The following GFI1B variants were observed in gnomAD, a reference collection of about 807,000 sequenced individuals.
GFI1B encodes the protein zinc finger protein Gfi-1b.
A neutral mutation model predicts 35.3 loss-of-function variants in GFI1B; 20 were observed. That is an observed-to-expected ratio of 0.57 (90% CI 0.40 to 0.82). The LOEUF is 0.82. GFI1B is among the 40% of genes least tolerant of loss of function. The pLI is 0.00. For missense variants in GFI1B, 430 were observed against 446.3 expected, an observed-to-expected ratio of 0.96 and a Z score of 0.33; for synonymous variants, 178 against 177.6, an observed-to-expected ratio of 1.00 and a Z score of -0.02.
downstream of GFI1B, among the ~76,000 whole-genome samples, chr9:132,992,610 T>G (rs934120405): frequency 6.6e-6 from 1 of 152,182 alleles, no homozygotes; most frequent in Non-Finnish European, 1.5e-5. Flanking sequence ...ACATTCCTTT[T>G]TGAAGTCCTG....
chr9:132,948,590 C>T (rs10793948), intron 1 of GFI1B, among the ~76,000 whole-genome samples: 3 of 152,236 alleles, frequency 2.0e-5, no homozygotes, highest in African/African-American at 7.2e-5. Flanking sequence ...GCTTTCAGCT[C>T]TCTGTGCAGC....
chr9:132,955,991 T>C (rs1295497231), intron 1 of GFI1B, among the ~76,000 whole-genome samples: 1 of 152,174 alleles, frequency 6.6e-6, no homozygotes, highest in Non-Finnish European at 1.5e-5. Flanking sequence ...GGTCAGTCTT[T>C]TGATCTACTC....
At chr9:132,968,375 G>T (rs1038137739) in intron 1 of GFI1B, among the ~76,000 whole-genome samples, 6 of 151,936 alleles carry the variant, frequency 3.9e-5, no homozygotes, top group Non-Finnish European at 7.4e-5. Context: ...TCCCACTTCA[G>T]CCTCCCAGAG....
upstream of GFI1B, among the ~76,000 whole-genome samples, chr9:132,975,376 C>T (rs1263212868): frequency 6.6e-6 from 1 of 152,176 alleles, no homozygotes; most frequent in Non-Finnish European, 1.5e-5. Flanking sequence ...AGGGGACCTC[C>T]AGCTCTTAGC....
chr9:132,958,596 A>G (rs2132592052), intron 1 of GFI1B, among the ~76,000 whole-genome samples: 1 of 152,322 alleles, frequency 6.6e-6, no homozygotes, highest in African/African-American at 2.4e-5. Context: ...ATCTGCCCCC[A>G]TGATCTAATC....
At chr9:132,977,179 A>ACTCC (rs1397782038), upstream of GFI1B, among the ~76,000 whole-genome samples, 1 of 151,672 alleles carries the variant, frequency 6.6e-6, no homozygotes, top group Non-Finnish European at 1.5e-5. Flanking sequence ...CTGGTCTTGA[A>ACTCC]CTCCCGATCT....
At chr9:132,968,021 ATC>A (rs1197502736) in intron 1 of GFI1B, among the ~76,000 whole-genome samples, 1 of 152,104 alleles carries the variant, frequency 6.6e-6, no homozygotes, top group African/African-American at 2.4e-5. Flanking sequence ...ATCTCAAATG[ATC>A]CACCTGCCTT....
At chr9:132,974,450 A>T (rs1241291180), upstream of GFI1B, among the ~76,000 whole-genome samples, 1 of 151,874 alleles carries the variant, frequency 6.6e-6, no homozygotes, top group Non-Finnish European at 1.5e-5. Flanking sequence ...AAACACAAAA[A>T]AATTAGCCAG....
intron 1 of GFI1B, among the ~76,000 whole-genome samples, chr9:132,984,419 G>C (rs368483185): frequency 1.1e-3 from 170 of 152,296 alleles, no homozygotes; most frequent in African/African-American, 3.8e-3. Context: ...TGTGTTCAGA[G>C]AGCCGAGAAT....
At chr9:132,974,601 C>CAAAAAAAAAAAAAAAAAAA (rs11243966), upstream of GFI1B, among the ~76,000 whole-genome samples, 2 of 79,844 alleles carry the variant, frequency 2.5e-5, no homozygotes, top group African/African-American at 1.1e-4. Flanking sequence ...GAATCCGTCT[C>CAAAAAAAAAAAAAAAAAAA]AAAAAAAAAA....
At chr9:132,977,468 ACC>A (rs1848665919), upstream of GFI1B, among the ~76,000 whole-genome samples, 2 of 152,002 alleles carry the variant, frequency 1.3e-5, no homozygotes, top group African/African-American at 4.8e-5. Flanking sequence ...TTCATTTTGA[ACC>A]TTGGACTTGC....
At chr9:132,991,744 G>A (rs139884023), downstream of GFI1B, 407 of 153,568 alleles carry the variant, frequency 2.7e-3, 2 homozygotes, top group Non-Finnish European at 4.0e-3. Flanking sequence ...GGTACTGCAC[G>A]AGGCTTTGGG....
chr9:132,971,531 A>G (rs530424972), intron 1 of GFI1B, among the ~76,000 whole-genome samples: 1 of 152,364 alleles, frequency 6.6e-6, no homozygotes, highest in East Asian at 1.9e-4. Context: ...ACTCAAAAGC[A>G]AAGGGTCAAT....
chr9:132,975,769 T>C (rs11243968), upstream of GFI1B, among the ~76,000 whole-genome samples: 10,066 of 152,210 alleles, frequency 0.066, 412 homozygotes, highest in East Asian at 0.15. Flanking sequence ...TGAATGGGCA[T>C]GGGAATGCGG....
At chr9:132,988,937 C>A in intron 4 of GFI1B, 124 bp from the exon 5 acceptor site, 2 of 906,894 alleles carry the variant, frequency 2.2e-6, no homozygotes, top group Non-Finnish European at 1.8e-6. Context: ...AACTGGCAAT[C>A]CAGTGCCCCT....
rs181864247 is a variant in GFI1B at position 132,979,826 on chromosome 9, C to T, written c.-21+985C>T. On this transcript the variant is annotated intron_variant, in intron 1 of 6. Coordinates refer to ENST00000372122, the MANE Select transcript of GFI1B (RefSeq NM_001377304.1). ...CTGCAGAATCGCCGTGGGTATGTGCCCGTGTACATTTTTCCGGGGAGAAAG... is the reference window on the plus strand; with the variant it reads ...CTGCAGAATCGCCGTGGGTATGTGCTCGTGTACATTTTTCCGGGGAGAAAG... Among the ~76,000 whole-genome samples, 3 of 152,240 alleles carry T rather than the reference C, an allele frequency of 2.0e-5. No homozygotes were observed. The East Asian group carries it at 5.8e-4, about 29-fold the overall frequency.
chr9:132,965,941 T>C (rs1186178970), intron 1 of GFI1B, among the ~76,000 whole-genome samples: 1 of 152,242 alleles, frequency 6.6e-6, no homozygotes, highest in Non-Finnish European at 1.5e-5. Context: ...TTCTGGCACA[T>C]GTTTACCTAT....
intron 1 of GFI1B, among the ~76,000 whole-genome samples, chr9:132,983,429 T>C (rs1478842923): frequency 2.0e-5 from 3 of 152,058 alleles, no homozygotes; most frequent in Admixed American, 6.6e-5. Flanking sequence ...ACTCCTGATC[T>C]TGTGATCCGT....
intron 1 of GFI1B, among the ~76,000 whole-genome samples, chr9:132,950,925 C>A (rs2132582264): frequency 6.6e-6 from 1 of 152,106 alleles, no homozygotes; most frequent in African/African-American, 2.4e-5. Flanking sequence ...GCAGCCTTGA[C>A]CTCCCGGGCT....
Sources: allele counts gnomAD v4.1 joint callset (sites outside exome capture counted in the v4.1 genomes callset), GRCh38; gene constraint gnomAD v4.1.1; transcripts MANE v1.5; gene names NCBI Gene and HGNC (gene_info 2026-07-23, HGNC 2026-07-21).